Variants in GLT1D1 observed in about 807,000 individuals in gnomAD.
The protein encoded by GLT1D1 is glycosyltransferase 1 domain containing 1.
A neutral mutation model predicts 28.7 loss-of-function variants in GLT1D1; 21 were observed. That is an observed-to-expected ratio of 0.73 (90% CI 0.52 to 1.05). GLT1D1 has a LOEUF of 1.05. Among genes scored for constraint, GLT1D1 ranks in the 50% least tolerant of loss-of-function variants. GLT1D1 has a pLI of 0.00. For synonymous variants in GLT1D1, 147 were observed against 124.8 expected, an observed-to-expected ratio of 1.18 and a Z score of -1.19; for missense variants, 343 against 330.6, an observed-to-expected ratio of 1.04 and a Z score of -0.29.
At chr12:128,919,217 A>G (rs981059381) in intron 4 of GLT1D1, among the ~76,000 whole-genome samples, 1 of 152,124 alleles carries the variant, frequency 6.6e-6, no homozygotes, top group Non-Finnish European at 1.5e-5. Context: ...GAAACCTGTG[A>G]CTGTGATTTG....
chr12:128,877,952 C>T (rs1440555154), intron 2 of GLT1D1, among the ~76,000 whole-genome samples: 1 of 152,188 alleles, frequency 6.6e-6, no homozygotes, highest in Non-Finnish European at 1.5e-5. Context: ...AGTTCCTTAC[C>T]ACATGGTCCT....
chr12:128,945,466 C>A, intron 5 of GLT1D1, 97 bp downstream of exon 9: 1 of 1,010,846 alleles, frequency 9.9e-7, no homozygotes, highest in Non-Finnish European at 1.6e-6. Flanking sequence ...AGGCACTATT[C>A]CAAGCAGTTT....
At chr12:128,876,378 G>A (rs553070015) in intron 2 of GLT1D1, among the ~76,000 whole-genome samples, 16 of 152,128 alleles carry the variant, frequency 1.1e-4, no homozygotes, top group East Asian at 1.9e-4. Flanking sequence ...ATACAATCTC[G>A]GCTCGCTGCA....
chr12:128,879,451 T>TTTCTTTCTTTCC (rs1956977821), intron 2 of GLT1D1, among the ~76,000 whole-genome samples: 4 of 127,654 alleles, frequency 3.1e-5, no homozygotes, highest in South Asian at 2.9e-4. Flanking sequence ...TCTTTCTTTC[T>TTTCTTTCTTTCC]TTCTTTCTTT....
intron 3 of GLT1D1, among the ~76,000 whole-genome samples, chr12:128,896,383 G>A (rs1869625944): frequency 6.6e-6 from 1 of 151,994 alleles, no homozygotes; most frequent in Non-Finnish European, 1.5e-5. Context: ...CTGTCCCAAT[G>A]CAATGTAGAA....
intron 7 of GLT1D1, among the ~76,000 whole-genome samples, chr12:128,971,310 T>TTCCC (rs1324105021): frequency 2.4e-4 from 31 of 129,724 alleles, no homozygotes; most frequent in African/African-American, 8.8e-4. Context: ...CCCTCCTTCC[T>TTCCC]TCCTTCATCT....
intron 6 of GLT1D1, among the ~76,000 whole-genome samples, chr12:128,950,011 G>C (rs1292588207): frequency 6.6e-6 from 1 of 152,156 alleles, no homozygotes; most frequent in Non-Finnish European, 1.5e-5. Flanking sequence ...TTCAAAGGCA[G>C]CTGCGACTCT....
intron 7 of GLT1D1, among the ~76,000 whole-genome samples, chr12:128,961,486 AAAG>A (rs1486682475): frequency 5.9e-5 from 9 of 152,248 alleles, no homozygotes; most frequent in African/African-American, 1.9e-4. Context: ...CAGCCATAAA[AAAG>A]AAGGAGTCAT....
intron 4 of GLT1D1, among the ~76,000 whole-genome samples, chr12:128,933,942 C>T (rs1214113829): frequency 6.6e-6 from 1 of 152,088 alleles, no homozygotes; most frequent in East Asian, 1.9e-4. Context: ...AGTCTTGGGA[C>T]ACATTAAAAT....
intron 7 of GLT1D1, among the ~76,000 whole-genome samples, chr12:128,972,081 G>C (rs1197828926): frequency 6.6e-6 from 1 of 151,940 alleles, no homozygotes; most frequent in Non-Finnish European, 1.5e-5. Flanking sequence ...GCTGTCCCTT[G>C]GGGATCTTGG....
intron 1 of GLT1D1, among the ~76,000 whole-genome samples, chr12:128,874,317 G>C (rs1452924244): frequency 6.6e-6 from 1 of 150,928 alleles, no homozygotes; most frequent in Non-Finnish European, 1.5e-5. Context: ...CAGTAGCTAG[G>C]ATTACAGGCA....
chr12:128,872,819 A>T (rs536011330), intron 1 of GLT1D1, among the ~76,000 whole-genome samples: 9 of 152,284 alleles, frequency 5.9e-5, no homozygotes, highest in East Asian at 5.8e-4. Flanking sequence ...GGTAAAAACT[A>T]TCCAACAATA....
chr12:128,873,627 G>T (rs755238593), intron 1 of GLT1D1, among the ~76,000 whole-genome samples: 197 of 152,286 alleles, frequency 1.3e-3, no homozygotes, highest in Non-Finnish European at 2.5e-3. Context: ...GTACCAATTT[G>T]CTCTCTCACA....
At chr12:128,974,402 T>C (rs967131459) in intron 7 of GLT1D1, among the ~76,000 whole-genome samples, 1 of 152,110 alleles carries the variant, frequency 6.6e-6, no homozygotes, top group South Asian at 2.1e-4. Context: ...GCCCCGGGAA[T>C]GGCAGGAATA....
intron 6 of GLT1D1, among the ~76,000 whole-genome samples, chr12:128,948,188 T>A (rs963184208): frequency 6.6e-6 from 1 of 152,202 alleles, no homozygotes; most frequent in Non-Finnish European, 1.5e-5. Flanking sequence ...TGGGACCACC[T>A]ACATCTCTTC....
intron 7 of GLT1D1, among the ~76,000 whole-genome samples, chr12:128,974,041 C>T (rs1441252544): frequency 2.0e-5 from 3 of 151,908 alleles, no homozygotes; most frequent in African/African-American, 7.3e-5. Context: ...TTTTCTGCCA[C>T]TCAGTGATGT....
chr12:128,936,820 G>A (rs775570133), intron 4 of GLT1D1, among the ~76,000 whole-genome samples: 1 of 152,142 alleles, frequency 6.6e-6, no homozygotes, highest in African/African-American at 2.4e-5. Flanking sequence ...TGTGGCTTGC[G>A]ATGCTTTTGC....
At chr12:128,952,831 T>G (rs1336250587) in intron 6 of GLT1D1, among the ~76,000 whole-genome samples, 1 of 127,684 alleles carries the variant, frequency 7.8e-6, no homozygotes, top group African/African-American at 3.0e-5. Context: ...CAGGCTGGAG[T>G]GCAGTGGCAC....
intron 1 of GLT1D1, among the ~76,000 whole-genome samples, chr12:128,870,919 AG>A (rs1250272466): frequency 2.0e-5 from 3 of 152,168 alleles, no homozygotes; most frequent in Admixed American, 2.0e-4. Flanking sequence ...TGAACCCGTG[AG>A]GCAGAGGTTG....
Sources: gnomAD v4.1 joint callset for allele counts (sites outside exome capture counted in the v4.1 genomes callset) on GRCh38, gnomAD v4.1.1 for gene constraint, MANE v1.5 for transcripts, NCBI Gene and HGNC (gene_info 2026-07-23, HGNC 2026-07-21) for gene names.